The following PDE4D variants were observed in gnomAD, a reference collection of about 807,000 sequenced individuals.
The protein encoded by PDE4D is 3',5'-cyclic-AMP phosphodiesterase 4D.
A neutral mutation model predicts 87.4 loss-of-function variants in PDE4D; 24 were observed. That is an observed-to-expected ratio of 0.27 (90% CI 0.20 to 0.39). The LOEUF is 0.39. Among genes scored for constraint, PDE4D ranks in the 10% least tolerant of loss-of-function variants. The pLI is 1.00. For synonymous variants in PDE4D, 384 were observed against 383.2 expected (o/e 1.00, Z -0.02); for missense variants, 714 against 1,041.0 (o/e 0.69, Z 4.32).
chr5:59,112,790 T>C (rs1561505729), intron 5 of PDE4D, among the ~76,000 whole-genome samples: 2 of 138,680 alleles, frequency 1.4e-5, no homozygotes, highest in South Asian at 4.6e-4. Flanking sequence ...TCTTTTTCTC[T>C]TCCTTTTTCT....
rs372592013 is a variant in PDE4D at position 59,078,684 on chromosome 5, AT to A, written c.809-39714del. Among the ~76,000 whole-genome samples, 64 of 151,814 alleles carry A rather than the reference AT, an allele frequency of 4.2e-4. 1 individual carries two copies. Among genetic ancestry groups the A allele is most frequent in the African/African-American group, 1.4e-3 (57 of 41,404 alleles). ...CCACCATGCCCAGCTATTTTGTTGT[AT>A]TTTTTTGTATTGATAGGGTTTCTTC... On this transcript the variant is annotated intron_variant, in intron 5 of 14. Transcript: ENST00000340635.
In PDE4D at chr5:59,180,529, T is replaced by C. The variant is rs908090922; in HGVS notation, c.808+66A>G. ...CAGCATGAAATTGGTGTTGGTGTTA[T>C]ATTGACTCTTGGCAGAAATGGTTTC... On this transcript the variant is annotated intron_variant, in intron 5 of 14. Transcript: ENST00000340635. 1.2e-5 allele frequency: 15 copies of C among 1,302,668 alleles called. No homozygotes were observed. In the East Asian group the frequency reaches 1.9e-4, roughly 16 times the overall value. The allele number at this position is 1,302,668 out of a possible 1,614,324, so 80.7% of individuals were successfully genotyped here.
intron 1 of PDE4D, among the ~76,000 whole-genome samples, chr5:60,474,138 ATATATATATATAAC>A (rs1289873951): frequency 1.0e-5 from 1 of 96,622 alleles, no homozygotes; most frequent in African/African-American, 6.8e-5. Context: ...ATATATATAT[ATATATATATATAAC>A]AAAAACCTTA....
chr5:59,774,675 T>G (rs34597555), intron 1 of PDE4D, among the ~76,000 whole-genome samples: 1 of 151,142 alleles, frequency 6.6e-6, no homozygotes, highest in Admixed American at 6.6e-5. Context: ...AATGGCATTT[T>G]TTTTTTCTTT....
intron 1 of PDE4D, among the ~76,000 whole-genome samples, chr5:59,792,725 A>G (rs1383220783): frequency 6.6e-6 from 1 of 152,210 alleles, no homozygotes; most frequent in Non-Finnish European, 1.5e-5. Context: ...TGGTTTTAAG[A>G]AGATGGGTTT....
intron 2 of PDE4D, among the ~76,000 whole-genome samples, chr5:60,077,168 T>C (rs2152900657): frequency 1.3e-5 from 2 of 152,350 alleles, no homozygotes; most frequent in East Asian, 3.9e-4. Context: ...TGGTGGGCTC[T>C]GTGCCACCCA....
Position 59,774,689 on chromosome 5 carries a change from CT to C in PDE4D, c.455+118478del, listed in dbSNP as rs71604800. 8.0e-4 allele frequency among the ~76,000 whole-genome samples: 106 copies of C among 132,368 alleles called. No individual in the cohort carries two copies. The Middle Eastern group carries it at 0.011, about 14-fold the overall frequency. The allele number at this position is 132,368 out of a possible 152,430, so 86.8% of individuals were successfully genotyped here. A position where few individuals can be genotyped will look rare whatever the true frequency, so the allele number is the denominator to read the frequency against. On this transcript the variant is annotated intron_variant, in intron 1 of 14. Coordinates refer to ENST00000340635, the MANE Select transcript of PDE4D (RefSeq NM_001104631.2). ...CAATGGCATTTTTTTTTTCTTTTTT[CT>C]TTTTTTTTTTTTTCTGAGACACAGT...
At chr5:59,101,194 G>C (rs2153433556) in intron 5 of PDE4D, among the ~76,000 whole-genome samples, 1 of 152,176 alleles carries the variant, frequency 6.6e-6, no homozygotes, top group East Asian at 1.9e-4. Flanking sequence ...AATCCCTCTA[G>C]GGCCCGCCGT....
intron 3 of PDE4D, among the ~76,000 whole-genome samples, chr5:59,969,383 G>T (rs574749959): frequency 6.6e-6 from 1 of 152,130 alleles, no homozygotes; most frequent in African/African-American, 2.4e-5. Flanking sequence ...TTATAATTGA[G>T]GTAAAAAGCT....
intron 1 of PDE4D, chr5:60,430,144 G>A: frequency 3.8e-6 from 2 of 524,762 alleles, no homozygotes; most frequent in African/African-American, 1.9e-5. Flanking sequence ...CTCTTTGAGT[G>A]CCTGAGGGGC....
chr5:59,414,437 C>A (rs984669505), intron 1 of PDE4D, among the ~76,000 whole-genome samples: 1 of 152,138 alleles, frequency 6.6e-6, no homozygotes, highest in Non-Finnish European at 1.5e-5. Context: ...TTGGGCAGAT[C>A]AAGAAGAATG....
intron 1 of PDE4D, among the ~76,000 whole-genome samples, chr5:60,461,583 C>G (rs1030438994): frequency 6.6e-6 from 1 of 152,204 alleles, no homozygotes; most frequent in Non-Finnish European, 1.5e-5. Context: ...CAGAGGAAAG[C>G]CTTTCCATTT....
At chr5:59,435,984 G>A (rs1400737967) in intron 1 of PDE4D, among the ~76,000 whole-genome samples, 1 of 152,104 alleles carries the variant, frequency 6.6e-6, no homozygotes, top group East Asian at 1.9e-4. Flanking sequence ...GCCTGCCTGG[G>A]CTATCAGTTT....
chr5:59,487,146 G>T (rs11952011), intron 1 of PDE4D, among the ~76,000 whole-genome samples: 1 of 151,920 alleles, frequency 6.6e-6, no homozygotes, highest in Non-Finnish European at 1.5e-5. Context: ...TATGGAGATG[G>T]GGGAGAAACA....
At chr5:58,988,140 G>A (rs371005000) in intron 11 of PDE4D, among the ~76,000 whole-genome samples, 4 of 152,110 alleles carry the variant, frequency 2.6e-5, no homozygotes, top group African/African-American at 9.7e-5. Flanking sequence ...TACATAAAGT[G>A]AGGAACACTT....
chr5:60,410,547 A>G (rs1212248910), intron 1 of PDE4D, among the ~76,000 whole-genome samples: 1 of 152,234 alleles, frequency 6.6e-6, no homozygotes, highest in Admixed American at 6.5e-5. Context: ...GTTAAAATCA[A>G]AACTAAGAAG....
intron 1 of PDE4D, among the ~76,000 whole-genome samples, chr5:59,762,570 A>G (rs1227643736): frequency 7.0e-6 from 1 of 143,388 alleles, no homozygotes; most frequent in Non-Finnish European, 1.5e-5. Context: ...ATATGTGTAT[A>G]TGTGTATATG....
intron 1 of PDE4D, among the ~76,000 whole-genome samples, chr5:59,505,787 T>G (rs1809149334): frequency 1.3e-5 from 2 of 152,198 alleles, no homozygotes; most frequent in Non-Finnish European, 2.9e-5. Flanking sequence ...TTTTGCTTCC[T>G]GATAATCTCT....
At chr5:59,417,767 A>T (rs958780411) in intron 1 of PDE4D, among the ~76,000 whole-genome samples, 6 of 152,194 alleles carry the variant, frequency 3.9e-5, no homozygotes, top group Non-Finnish European at 8.8e-5. Context: ...GATTTCTGGC[A>T]ATTGTACCAC....
Sources: gnomAD v4.1 joint callset for allele counts (sites outside exome capture counted in the v4.1 genomes callset) on GRCh38, gnomAD v4.1.1 for gene constraint, MANE v1.5 for transcripts, NCBI Gene and HGNC (gene_info 2026-07-23, HGNC 2026-07-21) for gene names.